The following MFSD12 variants were observed in gnomAD, a reference collection of about 807,000 sequenced individuals.
The protein encoded by MFSD12 is major facilitator superfamily domain-containing protein 12.
A neutral mutation model predicts 51.2 loss-of-function variants in MFSD12; 67 were observed. The ratio of observed to expected loss-of-function variants is 1.31; its 90% CI spans 1.08 to 1.60. The LOEUF is 1.60. Ranked by LOEUF, MFSD12 falls within the 40% of genes most tolerant of loss-of-function variation. The probability of loss-of-function intolerance (pLI) is 0.00; values close to 1 mark genes in which losing one functional copy is unlikely to be tolerated. For missense variants in MFSD12, 921 were observed against 673.0 expected (o/e 1.37, Z -4.08); for synonymous variants, 441 against 316.7 (o/e 1.39, Z -4.17).
downstream of MFSD12, chr19:3,543,040 G>T (rs184050474): frequency 3.2e-5 from 52 of 1,606,246 alleles, no homozygotes; most frequent in Admixed American, 8.7e-4. Context: ...GGGAGAGGGG[G>T]AGTCAGCCTC....
chr19:3,545,383 G>A (rs1288880441), intron 8 of MFSD12, among the ~76,000 whole-genome samples: 1 of 152,134 alleles, frequency 6.6e-6, no homozygotes, highest in Non-Finnish European at 1.5e-5. Flanking sequence ...ACCAGGCCCT[G>A]CACGACCTGC....
At chr19:3,550,844 C>T in intron 2 of MFSD12, 140 bp downstream of exon 2, 1 of 700,006 alleles carries the variant, frequency 1.4e-6, no homozygotes, top group South Asian at 1.8e-5. Context: ...CAGAGTGAGA[C>T]CCCCTTTCAA....
rs754038276 is a variant in MFSD12, at chr19:3,547,460, G to A, written c.925C>T (p.Pro309Ser). 6.2e-7 allele frequency: 1 copy of A among 1,613,000 alleles called. No individual in the cohort carries two copies. The highest frequency in any genetic ancestry group is 1.1e-5 in the South Asian group (1 of 91,068). The stretch of plus-strand genomic sequence containing the variant: ...CCCCGCCCCAATCTGCTCACCTTGG[G>A]CAGGTGGAGCGAGTAGGTGAGGTAC... ...AMYLTYSLHL[P>S]KKFIATIPLV... Residue 309 changes from proline to serine, a missense_variant, in exon 5 of 10, where the codon CCC (proline) becomes TCC (serine). Transcript: ENST00000355415.
At chr19:3,544,083 A>G, downstream of MFSD12, 1 of 1,457,090 alleles carries the variant, frequency 6.9e-7, no homozygotes, top group Non-Finnish European at 9.1e-7. Flanking sequence ...CCAGGGGACC[A>G]GAGGCTCGGG....
chr19:3,539,313 C>T (rs867472323), downstream of MFSD12: 1,082 of 1,148,076 alleles, frequency 9.4e-4, 11 homozygotes, highest in Middle Eastern at 1.9e-3. Flanking sequence ...CCCTCCCTCC[C>T]TGGGTGTCAG....
At chr19:3,543,697 G>C (rs1180597772), downstream of MFSD12, 19 of 1,518,834 alleles carry the variant, frequency 1.3e-5, no homozygotes, top group South Asian at 2.3e-4. Flanking sequence ...CTAGGTGCAG[G>C]GTGGGTCCTT....
downstream of MFSD12, among the ~76,000 whole-genome samples, chr19:3,541,056 C>T (rs1470566300): frequency 6.7e-6 from 1 of 149,768 alleles, no homozygotes; most frequent in African/African-American, 2.5e-5. Flanking sequence ...GCAATCCCAG[C>T]TACTCGGGAG....
chr19:3,549,701 T>C (rs1244877596), intron 2 of MFSD12, among the ~76,000 whole-genome samples: 2 of 124,906 alleles, frequency 1.6e-5, no homozygotes, highest in Admixed American at 2.1e-4. Context: ...CCAGCCTGGG[T>C]GACAGAGTGA....
downstream of MFSD12, chr19:3,543,913 C>T (rs2030694372): frequency 1.9e-6 from 3 of 1,551,224 alleles, no homozygotes; most frequent in East Asian, 4.9e-5. Context: ...CAGCGCCCGC[C>T]CGGCACCACC....
chr19:3,548,192 C>G lies in MFSD12; in HGVS notation c.585G>C (p.Ser195=). 6.3e-7 allele frequency: 1 copy of G among 1,576,470 alleles called. No individual in the cohort carries two copies. The highest frequency in any genetic ancestry group is 8.6e-7 in the Non-Finnish European group (1 of 1,162,724). The part of the protein sequence containing the change: ...AWLLLHLQGS[S]RVEPTQDISI... ...TGATGTCTTGGGTGGGCTCCACCCG[C>G]GACGAGCCCTGCAGGTGCAGCAGGA... Residue 195 remains serine, a synonymous_variant, in exon 3 of 10, where the codon TCG becomes TCC. Transcript: ENST00000355415.
rs925208548 is a variant in MFSD12 at position 3,546,494 on chromosome 19, A to T, written c.1024-69T>A. On this transcript the variant is annotated intron_variant, in intron 6 of 9. Transcript: ENST00000355415. ...CCCAAGCCTGGCGCTTCAATCCGCC[A>T]CCCCTACCCCCAACCCCAGCAAACA... The T allele has an allele frequency of 3.3e-6, 5 of 1,503,394 alleles. No homozygotes were observed. In the African/African-American group the frequency reaches 6.9e-5, roughly 21 times the overall value. The allele number at this position is 1,503,394 out of a possible 1,614,324, so 93.1% of individuals were successfully genotyped here.
Position 3,551,303 on chromosome 19 carries a change from C to T in MFSD12, c.299-109G>A, listed in dbSNP as rs1007272512. The T allele has an allele frequency of 1.2e-6, 1 of 843,722 alleles. No homozygotes were observed. The highest frequency in any genetic ancestry group is 2.7e-5 in the East Asian group (1 of 37,006). The allele number at this position is 843,722 out of a possible 1,614,324, so 52.3% of individuals were successfully genotyped here. A position where few individuals can be genotyped will look rare whatever the true frequency, so the allele number is the denominator to read the frequency against. ...GGAAACTGAGGCACAGATGGAGACG[C>T]CCCCCGCATGCACACAGTCACGCAG... On this transcript the variant is annotated intron_variant, in intron 1 of 9. Transcript: ENST00000355415. This position sits in a 1 kb window ranked among gnomAD's most constrained non-coding sequence, Gnocchi z 4.6.
intron 1 of MFSD12, among the ~76,000 whole-genome samples, chr19:3,554,445 C>CAAAAAAAA (rs2031634435): frequency 9.6e-6 from 1 of 104,054 alleles, no homozygotes; most frequent in African/African-American, 3.6e-5. Flanking sequence ...TCAACAACAA[C>CAAAAAAAA]AAAACAAAAA....
At chr19:3,543,671 A>C, downstream of MFSD12, 1 of 1,538,858 alleles carries the variant, frequency 6.5e-7, no homozygotes, top group African/African-American at 1.4e-5. Flanking sequence ...AATCCGGGGC[A>C]AGGAATACGG....
At chr19:3,550,846 C>T in intron 2 of MFSD12, 138 bp downstream of exon 2, 2 of 708,714 alleles carry the variant, frequency 2.8e-6, no homozygotes, top group East Asian at 2.7e-5. Context: ...GAGTGAGACC[C>T]CCTTTCAAAA....
chr19:3,538,483 CCT>C (rs1429896994), exon 5 of MFSD12: 2 of 332,882 alleles, frequency 6.0e-6, no homozygotes, highest in Non-Finnish European at 1.2e-5. Flanking sequence ...GAATCCTCTC[CCT>C]GATTCTGTGG....
At position 3,551,225 on chromosome 19, in the gene MFSD12, C is replaced by G; in HGVS notation, c.299-31G>C. The G allele has an allele frequency of 6.6e-7, 1 of 1,526,432 alleles. No homozygotes were observed. Among genetic ancestry groups the G allele is most frequent in the Non-Finnish European group, 8.9e-7 (1 of 1,129,162 alleles). 94.6% of individuals were successfully genotyped at this position (1,526,432 alleles called of 1,614,324 possible). A position where few individuals can be genotyped will look rare whatever the true frequency, so the allele number is the denominator to read the frequency against. ...GAAGGCAGAGTGGTCAGTCGCGGGGCTGTCCCGCACCAGCCAGGGCTCCCA... is the reference window on the plus strand; with the variant it reads ...GAAGGCAGAGTGGTCAGTCGCGGGGGTGTCCCGCACCAGCCAGGGCTCCCA... On this transcript the variant is annotated intron_variant, in intron 1 of 9. Coordinates refer to ENST00000355415, the MANE Select transcript of MFSD12 (RefSeq NM_174983.5). This position sits in a 1 kb window ranked among gnomAD's most constrained non-coding sequence, Gnocchi z 4.6.
chr19:3,543,480 G>GCCCCCCCCCCCC, downstream of MFSD12: 1 of 1,337,366 alleles, frequency 7.5e-7, no homozygotes, highest in Admixed American at 2.2e-5. Context: ...TCGGGTGAGT[G>GCCCCCCCCCCCC]CCCCCCCCCC....
At chr19:3,556,627 G>A (rs1308584233) in intron 1 of MFSD12, among the ~76,000 whole-genome samples, 2 of 151,048 alleles carry the variant, frequency 1.3e-5, no homozygotes, top group Non-Finnish European at 3.0e-5. Context: ...GAAAGACGGG[G>A]GATGCTGGAT....
Sources: allele counts gnomAD v4.1 joint callset (sites outside exome capture counted in the v4.1 genomes callset), GRCh38; gene constraint gnomAD v4.1.1; non-coding constraint Gnocchi (gnomAD v3.1); transcripts MANE v1.5; gene names NCBI Gene and HGNC (gene_info 2026-07-23, HGNC 2026-07-21).